The following RNF149 variants were observed in gnomAD, a reference collection of about 807,000 sequenced individuals.
The protein encoded by RNF149 is ring finger protein 149.
A neutral mutation model predicts 39.0 loss-of-function variants in RNF149; 21 were observed. The observed-to-expected ratio is 0.54, with a 90% CI of 0.38 to 0.77. The LOEUF is 0.77. RNF149 is among the 30% of genes least tolerant of loss of function. RNF149 has a pLI of 0.00. For synonymous variants in RNF149, 209 were observed against 213.6 expected (o/e 0.98, Z 0.19); for missense variants, 493 against 534.9 (o/e 0.92, Z 0.77).
chr2:101,291,686 T>C (rs1322485974), intron 3 of RNF149, among the ~76,000 whole-genome samples: 1 of 152,240 alleles, frequency 6.6e-6, no homozygotes, highest in Admixed American at 6.5e-5. Flanking sequence ...TAGTATCATT[T>C]ATCATATGCA....
At chr2:101,296,005 T>C (rs1683218657) in intron 1 of RNF149, among the ~76,000 whole-genome samples, 1 of 151,376 alleles carries the variant, frequency 6.6e-6, no homozygotes, top group African/African-American at 2.4e-5. Flanking sequence ...AAAGAAAAAA[T>C]GAGTTGGGAG....
chr2:101,277,912 G>A (rs974205196), intron 6 of RNF149, among the ~76,000 whole-genome samples: 66 of 152,272 alleles, frequency 4.3e-4, no homozygotes, highest in African/African-American at 1.6e-3. Context: ...TGGTGATGCT[G>A]CCACCAATGA....
chr2:101,307,459 G>A (rs941980660), intron 1 of RNF149, among the ~76,000 whole-genome samples: 4 of 152,180 alleles, frequency 2.6e-5, no homozygotes, highest in Non-Finnish European at 5.9e-5. Context: ...GATTACAGGC[G>A]TGAGCCACTG....
downstream of RNF149, among the ~76,000 whole-genome samples, chr2:101,275,120 T>TTG (rs1553437519): frequency 2.4e-5 from 3 of 126,176 alleles, no homozygotes; most frequent in Non-Finnish European, 1.7e-5. Flanking sequence ...TGTTTTTTTT[T>TTG]TTTTTTTTTT....
At chr2:101,293,785 A>G (rs889996585) in intron 3 of RNF149, among the ~76,000 whole-genome samples, 3 of 152,332 alleles carry the variant, frequency 2.0e-5, no homozygotes, top group African/African-American at 7.2e-5. Flanking sequence ...GCAACCAGCC[A>G]CTGTGGCTCC....
chr2:101,308,584 G>T lies in RNF149; in HGVS notation c.5C>A (p.Ala2Glu). ...GACGCTGGCTTCGCGCCGCCGCCAC[G>T]CCATGGCAGCACCGCTGAGCTGACT... M[A>E]WRRREASVGA... is the part of the protein sequence containing the mutation. Residue 2 changes from alanine to glutamate, a missense_variant, in exon 1 of 7, where the codon GCG (alanine) becomes GAG (glutamate). Coordinates refer to ENST00000295317, the MANE Select transcript of RNF149 (RefSeq NM_173647.4). 3.9e-6 allele frequency: 6 copies of T among 1,549,278 alleles called. No individual in the cohort carries two copies. Among genetic ancestry groups the T allele is most frequent in the Non-Finnish European group, 5.2e-6 (6 of 1,154,378 alleles).
At chr2:101,285,055 C>T (rs549709406) in intron 5 of RNF149, among the ~76,000 whole-genome samples, 1 of 152,046 alleles carries the variant, frequency 6.6e-6, no homozygotes, top group African/African-American at 2.4e-5. Flanking sequence ...CCATCATATC[C>T]GGCTAATTTT....
At chr2:101,284,883 C>G (rs573081523) in intron 5 of RNF149, among the ~76,000 whole-genome samples, 3 of 152,070 alleles carry the variant, frequency 2.0e-5, no homozygotes, top group South Asian at 4.1e-4. Context: ...ATTATTTTCC[C>G]CAAAGATCTT....
intron 3 of RNF149, among the ~76,000 whole-genome samples, chr2:101,289,579 C>T (rs1263327042): frequency 6.6e-6 from 1 of 151,834 alleles, no homozygotes; most frequent in Non-Finnish European, 1.5e-5. Flanking sequence ...GTGGCGCGTG[C>T]CTGTAGTCCC....
chr2:101,284,648 A>G (rs547221118), intron 5 of RNF149, among the ~76,000 whole-genome samples: 3 of 152,290 alleles, frequency 2.0e-5, no homozygotes, highest in Middle Eastern at 6.8e-3. Context: ...CTCTTAAGCT[A>G]GAAGATGAGG....
At chr2:101,284,791 C>G (rs1483186761) in intron 5 of RNF149, among the ~76,000 whole-genome samples, 1 of 151,984 alleles carries the variant, frequency 6.6e-6, no homozygotes, top group Non-Finnish European at 1.5e-5. Flanking sequence ...TTTAAAAAAC[C>G]CCAAATTGTA....
intron 3 of RNF149, among the ~76,000 whole-genome samples, chr2:101,289,388 T>TTTTA (rs796518326): frequency 4.6e-5 from 7 of 152,108 alleles, no homozygotes; most frequent in East Asian, 1.9e-4. Context: ...TTTATTATTG[T>TTTTA]TTTATTTATT....
intron 5 of RNF149, among the ~76,000 whole-genome samples, chr2:101,284,579 A>C (rs1234485423): frequency 6.6e-6 from 1 of 150,840 alleles, no homozygotes; most frequent in African/African-American, 2.4e-5. Flanking sequence ...AGGCTGTCTC[A>C]AAAAAAACCA....
At chr2:101,285,567 C>T (rs1682764208) in intron 5 of RNF149, among the ~76,000 whole-genome samples, 1 of 152,138 alleles carries the variant, frequency 6.6e-6, no homozygotes, top group African/African-American at 2.4e-5. Flanking sequence ...TTTCATTTCG[C>T]CCCCGTGTCT....
intron 1 of RNF149, among the ~76,000 whole-genome samples, chr2:101,297,046 T>C (rs940624807): frequency 6.6e-6 from 1 of 152,064 alleles, no homozygotes; most frequent in Non-Finnish European, 1.5e-5. Context: ...CCGTCTCTAC[T>C]GAAATTACAA....
Position 101,295,963 on chromosome 2 carries a change from T to C in RNF149, c.461-782A>G, listed in dbSNP as rs181722482. On this transcript the variant is annotated intron_variant, in intron 1 of 6. Coordinates refer to ENST00000295317, the MANE Select transcript of RNF149 (RefSeq NM_173647.4). ...AAGACAGGAGTTGGAGACCAGCCTG[T>C]GTAAGCGAGACCTTGTCTCTACAAA... Among the ~76,000 whole-genome samples, 165 of 152,076 alleles carry C rather than the reference T, an allele frequency of 1.1e-3. 2 individuals carry two copies. The highest frequency in any genetic ancestry group is 3.4e-3 in the African/African-American group (142 of 41,468).
rs528780271 is a variant in RNF149, at chr2:101,293,961, G to A, written c.780+53C>T. ...TCCTTCTTTAAAATAAACACGTACA[G>A]CATATTCTCTACTCTAAACCACAAA... On this transcript the variant is annotated intron_variant, in intron 3 of 6. Coordinates refer to ENST00000295317, the MANE Select transcript of RNF149 (RefSeq NM_173647.4). 160 of 1,018,904 alleles carry A rather than the reference G, an allele frequency of 1.6e-4. 1 individual carries two copies. In the African/African-American group the frequency reaches 2.5e-3, roughly 16 times the overall value. The allele number at this position is 1,018,904 out of a possible 1,614,324, so 63.1% of individuals were successfully genotyped here. A position where few individuals can be genotyped will look rare whatever the true frequency, so the allele number is the denominator to read the frequency against.
At chr2:101,293,586 T>G (rs1683101230) in intron 3 of RNF149, among the ~76,000 whole-genome samples, 1 of 152,186 alleles carries the variant, frequency 6.6e-6, no homozygotes, top group Admixed American at 6.6e-5. Context: ...TTTTCCCCCC[T>G]CCAGAAATGC....
intron 1 of RNF149, among the ~76,000 whole-genome samples, chr2:101,305,891 T>A (rs978412719): frequency 1.3e-5 from 2 of 152,176 alleles, no homozygotes; most frequent in Non-Finnish European, 2.9e-5. Context: ...GAAGAGTGAG[T>A]CACTCTATGC....
Sources: allele counts gnomAD v4.1 joint callset (sites outside exome capture counted in the v4.1 genomes callset), GRCh38; gene constraint gnomAD v4.1.1; transcripts MANE v1.5; gene names NCBI Gene and HGNC (gene_info 2026-07-23, HGNC 2026-07-21).